Variants in WWP2 observed in about 807,000 individuals in gnomAD.
WWP2 encodes WW domain containing E3 ubiquitin protein ligase 2.
In WWP2, 57 loss-of-function variants were observed where a neutral mutation model predicts 121.0. The observed-to-expected ratio is 0.47, with a 90% CI of 0.38 to 0.59. WWP2 has a LOEUF of 0.59. WWP2 is among the 20% of genes least tolerant of loss of function. The pLI is 0.00. For synonymous variants in WWP2, 449 were observed against 441.3 expected, an observed-to-expected ratio of 1.02 and a Z score of -0.22; for missense variants, 962 against 1,158.9, an observed-to-expected ratio of 0.83 and a Z score of 2.47.
chr16:69,774,387 A>C (rs1180032064), intron 1 of WWP2, among the ~76,000 whole-genome samples: 1 of 151,884 alleles, frequency 6.6e-6, no homozygotes, highest in Non-Finnish European at 1.5e-5. Context: ...CAGCCTCCCG[A>C]GTAACTGTGA....
rs149805419 is a variant in WWP2, at chr16:69,937,181, C to T, written c.2181C>T (p.Gly727=). 3.1e-6 allele frequency: 5 copies of T among 1,613,910 alleles called. No individual in the cohort carries two copies. The highest frequency in any genetic ancestry group is 1.6e-4 in the Middle Eastern group (1 of 6,084). ...AGCAGACCAAAGCCTTCCTGGATGG[C>T]TTCAACGAGGTGGCCCCGCTGGAGT... is the stretch of plus-strand genomic sequence containing the variant. ...VEEQTKAFLD[G]FNEVAPLEWL... is the part of the protein sequence containing the mutation. Residue 727 remains glycine (G), a synonymous_variant, in exon 20 of 24, where the codon GGC becomes GGT. Coordinates refer to ENST00000359154, the MANE Select transcript of WWP2 (RefSeq NM_001270454.2). The surrounding 1 kb of genome is among the most constrained non-coding windows in gnomAD (Gnocchi z 6.6).
chr16:69,873,206 C>G lies in WWP2; in HGVS notation c.703+1275C>G, dbSNP rs1383180961. Among the ~76,000 whole-genome samples the G allele has an allele frequency of 5.6e-4, 85 of 152,210 alleles. 1 individual carries two copies. Among genetic ancestry groups the G allele is most frequent in the Admixed American group, 5.6e-3 (85 of 15,284 alleles). On this transcript the variant is annotated intron_variant, in intron 7 of 23. Transcript: ENST00000359154. ...ATTGTTAAGTGACCTCTGTGACAAA[C>G]TTACTGAGTGGAAGAAATTGATTTG...
chr16:69,811,613 C>T (rs1348463530), intron 4 of WWP2, among the ~76,000 whole-genome samples: 1 of 151,452 alleles, frequency 6.6e-6, no homozygotes, highest in Non-Finnish European at 1.5e-5. Context: ...AATAGCTGGG[C>T]ATGGTGGGCA....
At chr16:69,852,723 G>A (rs1158560857) in intron 6 of WWP2, among the ~76,000 whole-genome samples, 3 of 152,130 alleles carry the variant, frequency 2.0e-5, no homozygotes, top group Non-Finnish European at 4.4e-5. Context: ...ATTTTGGATA[G>A]CAGTTCTTTA....
intron 4 of WWP2, among the ~76,000 whole-genome samples, chr16:69,829,522 C>G (rs373830086): frequency 1.3e-4 from 20 of 152,300 alleles, no homozygotes; most frequent in African/African-American, 4.6e-4. Flanking sequence ...CATTGTGCCA[C>G]AGGACCTTTG....
intron 2 of WWP2, among the ~76,000 whole-genome samples, chr16:69,789,618 A>C (rs2055866630): frequency 6.6e-6 from 1 of 152,194 alleles, no homozygotes; most frequent in Non-Finnish European, 1.5e-5. Context: ...TCCAAGATAC[A>C]CCAAAAGGGA....
intron 9 of WWP2, among the ~76,000 whole-genome samples, chr16:69,912,287 A>C (rs952069132): frequency 2.0e-5 from 3 of 150,368 alleles, no homozygotes; most frequent in Admixed American, 6.7e-5. Flanking sequence ...GCGAGACTCC[A>C]TCTCAAAAAA....
At chr16:69,817,732 C>T (rs2056522665) in intron 4 of WWP2, among the ~76,000 whole-genome samples, 1 of 142,206 alleles carries the variant, frequency 7.0e-6, no homozygotes, top group South Asian at 2.3e-4. Flanking sequence ...GATCACAGCT[C>T]ATTGCAGCCT....
At chr16:69,899,726 C>CAAAAA (rs35485826) in intron 8 of WWP2, among the ~76,000 whole-genome samples, 18 of 64,706 alleles carry the variant, frequency 2.8e-4, no homozygotes, top group East Asian at 9.2e-4. Flanking sequence ...GACTCCGTCT[C>CAAAAA]AAAAAAAAAA....
Position 69,764,647 on chromosome 16 carries a change from C to G in WWP2, c.-16+2256C>G, listed in dbSNP as rs185298001. Reference sequence around the variant, plus strand: ...AGCTTCCTCTTCCTGGGAAAACATTCTTTCATTCAGTGAATATTTATAAGT... The same window carrying G: ...AGCTTCCTCTTCCTGGGAAAACATTGTTTCATTCAGTGAATATTTATAAGT... On this transcript the variant is annotated intron_variant, in intron 1 of 23. Transcript: ENST00000359154. Among the ~76,000 whole-genome samples the G allele has an allele frequency of 5.3e-3, 807 of 152,282 alleles. 7 individuals carry two copies. The highest frequency in any genetic ancestry group is 0.019 in the African/African-American group (772 of 41,546).
chr16:69,799,473 GT>G lies in WWP2; in HGVS notation c.340+181del. On this transcript the variant is annotated intron_variant, in intron 4 of 23. Coordinates refer to ENST00000359154, the MANE Select transcript of WWP2 (RefSeq NM_001270454.2). The surrounding 1 kb of genome is among the most constrained non-coding windows in gnomAD (Gnocchi z 4.5). The stretch of plus-strand genomic sequence containing the variant: ...GGCTCCTCTCTGCCTCCACTACAGA[GT>G]TTAGCCCTCTTTGTCCAGGGCCTCT... The G allele has an allele frequency of 2.5e-6, 2 of 789,846 alleles. No individual in the cohort carries two copies. Among genetic ancestry groups the G allele is most frequent in the Non-Finnish European group, 3.8e-6 (2 of 527,428 alleles). 48.9% of individuals were successfully genotyped at this position (789,846 alleles called of 1,614,324 possible).
chr16:69,929,241 G>A (rs1349579289), intron 11 of WWP2, among the ~76,000 whole-genome samples: 5 of 127,668 alleles, frequency 3.9e-5, no homozygotes, highest in South Asian at 2.4e-4. Flanking sequence ...TGTCACCCCC[G>A]CCCCCCACCA....
rs565065326 is a variant in WWP2, at chr16:69,934,103, C to T, written c.1816C>T (p.Arg606Cys). ...CAACCCGGACCACCTCACCTACTTT[C>T]GCTTTATAGGCAGATTCATCGCCAT... ...SINPDHLTYF[R>C]FIGRFIAMAL... Residue 606 changes from arginine to cysteine, a missense_variant, in exon 17 of 24, where the codon CGC (arginine) becomes TGC (cysteine). By Grantham distance (180) the Arg-to-Cys change is radical. Transcript: ENST00000359154. 11 of 1,614,068 alleles carry T rather than the reference C, an allele frequency of 6.8e-6. No individual in the cohort carries two copies. The highest frequency in any genetic ancestry group is 5.3e-5 in the African/African-American group (4 of 74,926).
At chr16:69,938,418 G>T (rs773508065) in intron 21 of WWP2, among the ~76,000 whole-genome samples, 25 of 152,346 alleles carry the variant, frequency 1.6e-4, no homozygotes, top group Non-Finnish European at 2.1e-4. Context: ...AGGAGTTCAA[G>T]ACCAGCCTGG....
intron 10 of WWP2, among the ~76,000 whole-genome samples, chr16:69,919,553 G>T (rs1030129372): frequency 2.0e-5 from 3 of 152,152 alleles, no homozygotes; most frequent in African/African-American, 7.2e-5. Flanking sequence ...GTCCCTGTGG[G>T]AACCCTCCCA....
chr16:69,802,167 A>T (rs968253916), intron 4 of WWP2, among the ~76,000 whole-genome samples: 1 of 152,060 alleles, frequency 6.6e-6, no homozygotes, highest in Admixed American at 6.6e-5. Context: ...TGACCTCGTG[A>T]TCTGCCCGCC....
chr16:69,841,968 A>C, intron 5 of WWP2, 56 bp from the exon 6 acceptor site: 1 of 1,544,736 alleles, frequency 6.5e-7, no homozygotes. Context: ...CAAATCTCAA[A>C]CACGAGTTGA....
intron 4 of WWP2, among the ~76,000 whole-genome samples, chr16:69,804,077 G>C (rs2056226700): frequency 6.7e-6 from 1 of 150,012 alleles, no homozygotes. Flanking sequence ...TTTTGGTATT[G>C]AAAGAACTCT....
chr16:69,788,311 G>A (rs1277119760), intron 2 of WWP2: 6 of 152,324 alleles, frequency 3.9e-5, no homozygotes, highest in Non-Finnish European at 8.8e-5. Flanking sequence ...AGAGCAGAGC[G>A]AGACCATGTC....
Sources: allele counts gnomAD v4.1 joint callset (sites outside exome capture counted in the v4.1 genomes callset), GRCh38; gene constraint gnomAD v4.1.1; non-coding constraint Gnocchi (gnomAD v3.1); transcripts MANE v1.5; gene names NCBI Gene and HGNC (gene_info 2026-07-23, HGNC 2026-07-21).